PSD3: variants seen among roughly 807,000 people sequenced by gnomAD.
The protein encoded by PSD3 is pleckstrin and Sec7 domain containing 3, also known as PH and SEC7 domain-containing protein 3.
Under a neutral mutation model 105.5 loss-of-function variants are expected in PSD3, and 49 were observed. That is an observed-to-expected ratio of 0.46 (90% CI 0.37 to 0.59). PSD3 has a LOEUF of 0.59. PSD3 is among the 20% of genes least tolerant of loss of function. PSD3 has a pLI of 0.00. For synonymous variants in PSD3, 557 were observed against 457.8 expected (o/e 1.22, Z -2.77); for missense variants, 1,561 against 1,263.8 (o/e 1.24, Z -3.57).
intron 9 of PSD3, among the ~76,000 whole-genome samples, chr8:18,705,560 T>A (rs1055298741): frequency 4.5e-5 from 6 of 134,374 alleles, no homozygotes; most frequent in African/African-American, 1.7e-4. Context: ...AAAAAAAAAA[T>A]TCGTTAAATA....
At chr8:18,619,711 A>C (rs1031117797) in intron 11 of PSD3, among the ~76,000 whole-genome samples, 6 of 152,132 alleles carry the variant, frequency 3.9e-5, no homozygotes, top group African/African-American at 1.4e-4. Context: ...CCCTAACCAT[A>C]AAATTTCACT....
intron 2 of PSD3, among the ~76,000 whole-genome samples, chr8:18,885,186 T>G (rs1464608646): frequency 6.6e-6 from 1 of 152,186 alleles, no homozygotes; most frequent in African/African-American, 2.4e-5. Flanking sequence ...CCCCTCTGAT[T>G]TCATCCATTC....
chr8:18,778,381 C>T (rs1808293556), intron 8 of PSD3, among the ~76,000 whole-genome samples: 1 of 152,034 alleles, frequency 6.6e-6, no homozygotes, highest in Non-Finnish European at 1.5e-5. Context: ...TCTTTAGGTT[C>T]TTCTATATAT....
intron 9 of PSD3, among the ~76,000 whole-genome samples, chr8:18,713,048 G>A (rs1199139993): frequency 1.3e-5 from 2 of 151,988 alleles, no homozygotes; most frequent in Non-Finnish European, 1.5e-5. Context: ...GGATTATCTC[G>A]ATAGATACCA....
At chr8:18,769,730 T>C (rs73593598) in intron 8 of PSD3, among the ~76,000 whole-genome samples, 1,827 of 152,356 alleles carry the variant, frequency 0.012, 37 homozygotes, top group African/African-American at 0.042. Flanking sequence ...AATGGAATCA[T>C]ATAAAATGTA....
intron 4 of PSD3, among the ~76,000 whole-genome samples, chr8:18,818,901 G>C (rs1359035173): frequency 6.6e-6 from 1 of 152,012 alleles, no homozygotes; most frequent in Admixed American, 6.6e-5. Flanking sequence ...GTGGGTTGGG[G>C]GGAAAAGTCA....
chr8:18,899,452 C>T (rs534943169), intron 2 of PSD3, among the ~76,000 whole-genome samples: 3 of 152,240 alleles, frequency 2.0e-5, no homozygotes, highest in African/African-American at 7.2e-5. Flanking sequence ...TTCAACGATG[C>T]AATCTTCCAG....
chr8:18,575,983 C>T (rs1046908393), intron 12 of PSD3, among the ~76,000 whole-genome samples: 5 of 152,066 alleles, frequency 3.3e-5, no homozygotes. Context: ...TTATCAAAAA[C>T]AAGATAAACA....
intron 1 of PSD3, among the ~76,000 whole-genome samples, chr8:18,956,340 G>A (rs1462096852): frequency 3.3e-5 from 5 of 152,312 alleles, no homozygotes; most frequent in Non-Finnish European, 7.4e-5. Flanking sequence ...TGATCCAGCA[G>A]GTCTGGGGTG....
intron 1 of PSD3, among the ~76,000 whole-genome samples, chr8:19,058,306 T>A (rs1272299979): frequency 6.6e-6 from 1 of 151,970 alleles, no homozygotes. Flanking sequence ...AGTATAAGTA[T>A]AAAGGGATAG....
At chr8:18,934,664 G>A (rs1244215006) in intron 2 of PSD3, among the ~76,000 whole-genome samples, 1 of 152,230 alleles carries the variant, frequency 6.6e-6, no homozygotes, top group South Asian at 2.1e-4. Context: ...TAAGACATAA[G>A]TCACTATAAT....
At chr8:18,729,434 T>C (rs1363873824) in intron 9 of PSD3, among the ~76,000 whole-genome samples, 3 of 152,168 alleles carry the variant, frequency 2.0e-5, no homozygotes, top group Admixed American at 6.5e-5. Context: ...GTAAGGTTCT[T>C]ACCCAAAATT....
At chr8:18,821,630 T>G (rs1812713473) in intron 4 of PSD3, among the ~76,000 whole-genome samples, 1 of 151,408 alleles carries the variant, frequency 6.6e-6, no homozygotes, top group Non-Finnish European at 1.5e-5. Context: ...CAAACACTGC[T>G]GCAGATAATA....
chr8:18,842,731 T>TA (rs144604228), intron 4 of PSD3, among the ~76,000 whole-genome samples: 34,554 of 147,426 alleles, frequency 0.23, 4,747 homozygotes, highest in Non-Finnish European at 0.3. Context: ...AGACTCCGTC[T>TA]AAAAAAAAAA....
intron 2 of PSD3, among the ~76,000 whole-genome samples, chr8:18,911,018 G>GGA (rs1430921497): frequency 9.2e-5 from 14 of 152,108 alleles, no homozygotes; most frequent in African/African-American, 3.1e-4. Context: ...TGGGGTGGAA[G>GGA]GACTGCATTA....
chr8:18,944,092 G>C (rs1209748471), intron 1 of PSD3, among the ~76,000 whole-genome samples: 1 of 152,132 alleles, frequency 6.6e-6, no homozygotes, highest in Non-Finnish European at 1.5e-5. Context: ...TGATGGTTTT[G>C]AAAGTTTCAG....
At chr8:19,060,512 T>C (rs1298300758) in intron 1 of PSD3, among the ~76,000 whole-genome samples, 1 of 152,148 alleles carries the variant, frequency 6.6e-6, no homozygotes, top group African/African-American at 2.4e-5. Flanking sequence ...CACACACCTG[T>C]AGTCCCAGCT....
intron 14 of PSD3, among the ~76,000 whole-genome samples, chr8:18,562,799 G>A (rs910511553): frequency 1.3e-5 from 2 of 152,074 alleles, no homozygotes; most frequent in African/African-American, 4.8e-5. Context: ...CGAGGCAGGG[G>A]AATTGCTTGA....
At chr8:18,596,937 T>C (rs891004353) in intron 12 of PSD3, among the ~76,000 whole-genome samples, 7 of 152,098 alleles carry the variant, frequency 4.6e-5, no homozygotes, top group South Asian at 4.1e-4. Context: ...TTCCAAAAAA[T>C]TGAAGAGGAG....
Sources: allele counts gnomAD v4.1 joint callset (sites outside exome capture counted in the v4.1 genomes callset), GRCh38; gene constraint gnomAD v4.1.1; transcripts MANE v1.5; gene names NCBI Gene and HGNC (gene_info 2026-07-23, HGNC 2026-07-21).